SEMA6A: variants seen among roughly 807,000 people sequenced by gnomAD.
SEMA6A encodes semaphorin-6A.
Under a neutral mutation model 96.8 loss-of-function variants are expected in SEMA6A, and 25 were observed. That is an observed-to-expected ratio of 0.26 (90% confidence interval 0.19 to 0.36). The LOEUF is 0.36. SEMA6A is among the 10% of genes least tolerant of loss of function. The probability of loss-of-function intolerance (pLI) is 1.00; values close to 1 mark genes in which losing one functional copy is unlikely to be tolerated. For missense variants in SEMA6A, 1,363 were observed against 1,323.1 expected (o/e 1.03, Z -0.47); for synonymous variants, 612 against 518.0 (o/e 1.18, Z -2.46).
At chr5:116,468,807 C>A (rs1395947079) in intron 17 of SEMA6A, 1 of 152,186 alleles carries the variant, frequency 6.6e-6, no homozygotes, top group Non-Finnish European at 1.5e-5. Context: ...AACTACTGTG[C>A]ATGTATAATT....
At position 116,447,054 on chromosome 5, in the gene SEMA6A, C is replaced by T. The variant is rs1754264098; in HGVS notation, c.2652G>A (p.Arg884=). 6.2e-7 allele frequency: 1 copy of T among 1,613,918 alleles called. No homozygotes were observed. The highest frequency in any genetic ancestry group is 1.6e-4 in the Middle Eastern group (1 of 6,062). Residue 884 remains arginine (R), a synonymous_variant, in exon 19 of 19, where the codon CGG becomes CGA. Coordinates refer to ENST00000343348, the MANE Select transcript of SEMA6A (RefSeq NM_020796.5). ...CTCCCGGGGGACCCAGGGAGGCCTCCCGCTGTGGAACTTTGGGGGGCAGGC... is the reference window on the plus strand; with the variant it reads ...CTCCCGGGGGACCCAGGGAGGCCTCTCGCTGTGGAACTTTGGGGGGCAGGC... ...LDSLPPKVPQ[R]EASLGPPGAS...
intron 1 of SEMA6A, chr5:116,536,326 A>C (rs1759706856): frequency 6.6e-6 from 1 of 152,106 alleles, no homozygotes; most frequent in Non-Finnish European, 1.5e-5. Context: ...TCCTCTCTCC[A>C]GCACTAGGAT....
chr5:116,448,782 C>G (rs542747896), intron 18 of SEMA6A, among the ~76,000 whole-genome samples: 57 of 131,660 alleles, frequency 4.3e-4, no homozygotes, highest in South Asian at 7.2e-4. Flanking sequence ...AAAAACAGTG[C>G]AAACTCAATT....
chr5:116,501,924 T>C (rs1280366905), intron 3 of SEMA6A, among the ~76,000 whole-genome samples: 1 of 152,154 alleles, frequency 6.6e-6, no homozygotes, highest in African/African-American at 2.4e-5. Context: ...AGCAGAGCAT[T>C]CTAATGGGTG....
intron 1 of SEMA6A, chr5:116,563,053 C>G: frequency 2.4e-6 from 1 of 424,882 alleles, no homozygotes; most frequent in East Asian, 5.6e-5. Flanking sequence ...TAATAAATTC[C>G]CTTCATGAAA....
intron 18 of SEMA6A, among the ~76,000 whole-genome samples, chr5:116,465,006 G>C (rs1755641452): frequency 6.6e-6 from 1 of 152,160 alleles, no homozygotes; most frequent in Admixed American, 6.5e-5. Context: ...AACAATTCCA[G>C]AGTATATTTA....
intron 1 of SEMA6A, among the ~76,000 whole-genome samples, chr5:116,561,845 T>A (rs1035648709): frequency 6.6e-6 from 1 of 152,184 alleles, no homozygotes; most frequent in Non-Finnish European, 1.5e-5. Context: ...GGAGAATTAA[T>A]TAACCAGCAT....
intron 3 of SEMA6A, 143 bp downstream of exon 3, chr5:116,502,067 G>T: frequency 1.6e-6 from 1 of 634,506 alleles, no homozygotes; most frequent in Non-Finnish European, 2.8e-6. Flanking sequence ...AATAATGATT[G>T]CTTGATAAGT....
At chr5:116,487,040 C>G (rs1225919148) in intron 9 of SEMA6A, 74 bp from the exon 10 acceptor site, 9 of 1,042,850 alleles carry the variant, frequency 8.6e-6, no homozygotes, top group Non-Finnish European at 1.3e-5. Context: ...ATCTGCATTC[C>G]TTGAAAACAG....
chr5:116,555,664 C>T lies in SEMA6A; in HGVS notation c.-39+18521G>A, dbSNP rs149616359. Reference sequence around the variant, plus strand: ...GAGTAGCCTGAGCAACATGGCAAGACCCCCCCTCAAAAAAAAAAAATTGTA... The same window carrying T: ...GAGTAGCCTGAGCAACATGGCAAGATCCCCCCTCAAAAAAAAAAAATTGTA... On this transcript the variant is annotated intron_variant, in intron 1 of 18. Coordinates refer to ENST00000343348, the MANE Select transcript of SEMA6A (RefSeq NM_020796.5). 3.6e-3 allele frequency among the ~76,000 whole-genome samples: 546 copies of T among 151,102 alleles called. 4 individuals are homozygous for T. Among genetic ancestry groups the T allele is most frequent in the African/African-American group, 0.013 (517 of 41,050 alleles).
At chr5:116,550,245 A>G (rs1485000103) in intron 1 of SEMA6A, 2 of 152,194 alleles carry the variant, frequency 1.3e-5, no homozygotes, top group Admixed American at 6.5e-5. Context: ...CAAAATCAAC[A>G]TATCTACTGA....
chr5:116,447,180 C>T lies in SEMA6A; in HGVS notation c.2526G>A (p.Ala842=), dbSNP rs372919590. The change falls in exon 19 of 19, where the codon GCG becomes GCA. Residue 842 remains alanine, a synonymous_variant. Transcript: ENST00000343348. ...CCAGTGTGGCGGCCTGGTCCTCCAG[C>T]GCCATCTGGGCCACCTCGCTCATTT... is the stretch of plus-strand genomic sequence containing the variant. ...QPKMSEVAQM[A]LEDQAATLEY... is the part of the protein sequence containing the mutation. 1.2e-5 allele frequency: 19 copies of T among 1,613,918 alleles called. No homozygotes were observed. The highest frequency in any genetic ancestry group is 1.6e-4 in the Middle Eastern group (1 of 6,084).
rs1488260110 is a variant in SEMA6A at position 116,446,977 on chromosome 5, G to C, written c.2729C>G (p.Ser910Cys). Reference sequence around the variant, plus strand: ...CCTCTTATAGTCAACCCCGTAGGAAGAGGAGTGGTGCATTTCCAGCCGCTT... The same window carrying C: ...CCTCTTATAGTCAACCCCGTAGGAACAGGAGTGGTGCATTTCCAGCCGCTT... The part of the protein sequence containing the change: ...LSKRLEMHHS[S>C]SYGVDYKRSY... The change falls in exon 19 of 19, where the codon TCT (serine) becomes TGT (cysteine). Residue 910 changes from serine to cysteine, a missense_variant. Coordinates refer to ENST00000343348, the MANE Select transcript of SEMA6A (RefSeq NM_020796.5). The C allele has an allele frequency of 1.2e-6, 2 of 1,613,934 alleles. No individual in the cohort carries two copies. The highest frequency in any genetic ancestry group is 3.3e-5 in the Admixed American group (2 of 60,022).
rs1759293123 is a variant in SEMA6A at position 116,527,732 on chromosome 5, C to T, written c.-38-22750G>A. On this transcript the variant is annotated intron_variant, in intron 1 of 18. Coordinates refer to ENST00000343348, the MANE Select transcript of SEMA6A (RefSeq NM_020796.5). ...TCTAATGAGTCTAATGATTAGTCTT[C>T]GTAGTCAGAGTTAACAGTATAACGT... Among the ~76,000 whole-genome samples, 3 of 152,096 alleles carry T rather than the reference C, an allele frequency of 2.0e-5. No homozygotes were observed. The South Asian group carries it at 6.2e-4, about 31-fold the overall frequency.
rs993954082 is a variant in SEMA6A, at chr5:116,562,733, G to A, written c.-39+11452C>T. 4 of 733,322 alleles carry A rather than the reference G, an allele frequency of 5.5e-6. No homozygotes were observed. The Admixed American group carries it at 7.0e-5, about 13-fold the overall frequency. The allele number at this position is 733,322 out of a possible 1,614,324, so 45.4% of individuals were successfully genotyped here. A position where few individuals can be genotyped will look rare whatever the true frequency, so the allele number is the denominator to read the frequency against. On this transcript the variant is annotated intron_variant, in intron 1 of 18. Coordinates refer to ENST00000343348, the MANE Select transcript of SEMA6A (RefSeq NM_020796.5). Reference sequence around the variant, plus strand: ...AGAAACCCTCTGCCGTGTGACTGGTGGGATGAAGGTGAAGGCAGACCGAGA... The same window carrying A: ...AGAAACCCTCTGCCGTGTGACTGGTAGGATGAAGGTGAAGGCAGACCGAGA...
intron 1 of SEMA6A, among the ~76,000 whole-genome samples, chr5:116,567,294 T>C (rs1383285099): frequency 1.3e-5 from 2 of 152,178 alleles, no homozygotes; most frequent in South Asian, 2.1e-4. Flanking sequence ...GGCCTGTTTA[T>C]GGTATGAATG....
intron 7 of SEMA6A, among the ~76,000 whole-genome samples, chr5:116,490,014 C>G (rs1043763734): frequency 1.3e-5 from 2 of 151,962 alleles, no homozygotes. Context: ...TGTTCAAGCT[C>G]TTTTATATGT....
chr5:116,544,625 G>T (rs1760109930), intron 1 of SEMA6A, among the ~76,000 whole-genome samples: 2 of 152,188 alleles, frequency 1.3e-5, no homozygotes, highest in Admixed American at 1.3e-4. Context: ...TCAAAAAGTT[G>T]CAAGGACAAG....
At chr5:116,477,634 G>T (rs1419261592) in intron 15 of SEMA6A, among the ~76,000 whole-genome samples, 1 of 152,178 alleles carries the variant, frequency 6.6e-6, no homozygotes, top group African/African-American at 2.4e-5. Flanking sequence ...TTTTTAATCA[G>T]TCCGAGGATG....
Sources: gnomAD v4.1 joint callset for allele counts (sites outside exome capture counted in the v4.1 genomes callset) on GRCh38, gnomAD v4.1.1 for gene constraint, MANE v1.5 for transcripts, NCBI Gene and HGNC (gene_info 2026-07-23, HGNC 2026-07-21) for gene names.